SLIT3: variants seen among roughly 807,000 people sequenced by gnomAD.
The protein encoded by SLIT3 is slit guidance ligand 3.
A neutral mutation model predicts 184.0 loss-of-function variants in SLIT3; 68 were observed. The observed-to-expected ratio is 0.37, with a 90% confidence interval of 0.30 to 0.45. SLIT3 has a LOEUF of 0.45. SLIT3 is among the 20% of genes least tolerant of loss of function. The pLI, the probability that SLIT3 is intolerant of heterozygous loss-of-function variation, is 1.00. For missense variants in SLIT3, 1,707 were observed against 2,026.0 expected, an observed-to-expected ratio of 0.84 and a Z score of 3.02; for synonymous variants, 831 against 828.6, an observed-to-expected ratio of 1.00 and a Z score of -0.05.
chr5:169,198,915 G>C (rs1260724964), intron 3 of SLIT3, among the ~76,000 whole-genome samples: 3 of 150,838 alleles, frequency 2.0e-5, no homozygotes, highest in Non-Finnish European at 2.9e-5. Context: ...CTGGGCAACA[G>C]AGCAAGACTC....
intron 9 of SLIT3, among the ~76,000 whole-genome samples, chr5:168,802,479 A>T (rs138904947): frequency 2.4e-3 from 359 of 152,322 alleles, no homozygotes; most frequent in African/African-American, 8.2e-3. Flanking sequence ...CAAGCACAGC[A>T]AGAAAAGTCC....
At chr5:168,688,519 G>T (rs1761813394) in intron 29 of SLIT3, among the ~76,000 whole-genome samples, 1 of 152,206 alleles carries the variant, frequency 6.6e-6, no homozygotes, top group African/African-American at 2.4e-5. Flanking sequence ...GCATGATGCA[G>T]GCTGTAGATT....
chr5:168,797,342 G>A (rs75668053), intron 9 of SLIT3, among the ~76,000 whole-genome samples: 3,248 of 152,268 alleles, frequency 0.021, 128 homozygotes, highest in African/African-American at 0.075. Context: ...CAGGAATCCC[G>A]TCATTCACCT....
intron 4 of SLIT3, among the ~76,000 whole-genome samples, chr5:169,173,898 T>C (rs895464224): frequency 2.6e-5 from 4 of 152,190 alleles, no homozygotes; most frequent in African/African-American, 7.2e-5. Context: ...AAGGTGGACA[T>C]GTGATGCACA....
At chr5:168,812,906 T>C (rs373616946) in intron 8 of SLIT3, among the ~76,000 whole-genome samples, 9 of 151,728 alleles carry the variant, frequency 5.9e-5, no homozygotes, top group African/African-American at 2.2e-4. Context: ...AAAAAGACGA[T>C]GAAAAGGGAA....
intron 4 of SLIT3, among the ~76,000 whole-genome samples, chr5:169,181,771 T>TTATCTGAG (rs149949963): frequency 0.03 from 4,591 of 151,798 alleles, 96 homozygotes; most frequent in South Asian, 0.1. Flanking sequence ...GAAGTTAGAT[T>TTATCTGAG]TATCTGAGTA....
intron 27 of SLIT3, among the ~76,000 whole-genome samples, chr5:168,699,045 G>A (rs974384391): frequency 6.6e-6 from 1 of 152,212 alleles, no homozygotes; most frequent in Non-Finnish European, 1.5e-5. Context: ...GTGTGCCCTG[G>A]AGGGGTGTTT....
At position 168,700,579 on chromosome 5, in the gene SLIT3, T is replaced by TA; in HGVS notation, c.2942+2dup. 1.2e-6 allele frequency: 2 copies of TA among 1,610,590 alleles called. No individual in the cohort carries two copies. Among genetic ancestry groups the TA allele is most frequent in the Non-Finnish European group, 1.7e-6 (2 of 1,176,842 alleles). ...GTGAGGGAGGCCAGGGGTGAACTGT[T>TA]ACCTGAACCCATCCTTGTGGCTGTC... On this transcript the variant is annotated splice_region_variant and intron_variant, in intron 27 of 35. Coordinates refer to ENST00000519560, the MANE Select transcript of SLIT3 (RefSeq NM_003062.4).
At chr5:169,019,804 T>G (rs989775859) in intron 4 of SLIT3, among the ~76,000 whole-genome samples, 10 of 152,390 alleles carry the variant, frequency 6.6e-5, no homozygotes, top group Admixed American at 6.5e-4. Context: ...ATTTCTCTTT[T>G]ATAAAGGATT....
chr5:169,036,574 T>A (rs985896949), intron 4 of SLIT3: 3 of 152,166 alleles, frequency 2.0e-5, no homozygotes, highest in African/African-American at 7.2e-5. Context: ...TAGGGCAATG[T>A]TCTTTTTAAG....
chr5:168,791,252 C>T (rs904999838), intron 10 of SLIT3: 12 of 152,220 alleles, frequency 7.9e-5, no homozygotes, highest in Admixed American at 3.3e-4. Context: ...GGTGCTGAGA[C>T]CTCTAGTTGC....
chr5:169,046,267 C>T (rs1053886886), intron 4 of SLIT3, among the ~76,000 whole-genome samples: 1 of 152,170 alleles, frequency 6.6e-6, no homozygotes, highest in African/African-American at 2.4e-5. Flanking sequence ...CTGTACAGCA[C>T]ATTGTGAGCA....
chr5:169,060,600 G>T (rs913594565), intron 4 of SLIT3, among the ~76,000 whole-genome samples: 3 of 152,202 alleles, frequency 2.0e-5, no homozygotes, highest in Non-Finnish European at 4.4e-5. Flanking sequence ...ACTGGGGTGT[G>T]AGCGTCATTA....
intron 35 of SLIT3, among the ~76,000 whole-genome samples, chr5:168,668,609 G>T (rs1761130984): frequency 6.6e-6 from 1 of 152,146 alleles, no homozygotes; most frequent in African/African-American, 2.4e-5. Context: ...TCTTTTCTTG[G>T]AGACAGGGTC....
chr5:169,264,039 T>TGA (rs1766306280), intron 1 of SLIT3, among the ~76,000 whole-genome samples: 1 of 150,948 alleles, frequency 6.6e-6, no homozygotes, highest in African/African-American at 2.4e-5. Flanking sequence ...TAAACATGTA[T>TGA]TATTCAATAT....
At chr5:169,233,631 C>A (rs80350627) in intron 3 of SLIT3, among the ~76,000 whole-genome samples, 1 of 151,998 alleles carries the variant, frequency 6.6e-6, no homozygotes, top group African/African-American at 2.4e-5. Flanking sequence ...ACACGTACCC[C>A]GGAACTTAAA....
At chr5:168,941,859 G>A (rs1477204034) in intron 4 of SLIT3, among the ~76,000 whole-genome samples, 1 of 152,158 alleles carries the variant, frequency 6.6e-6, no homozygotes, top group African/African-American at 2.4e-5. Context: ...GGTCAAATAA[G>A]ATTATTTACA....
At chr5:168,984,220 A>G (rs1231291421) in intron 4 of SLIT3, among the ~76,000 whole-genome samples, 1 of 152,182 alleles carries the variant, frequency 6.6e-6, no homozygotes, top group Non-Finnish European at 1.5e-5. Context: ...GAGGAAGGAA[A>G]AGCAAATCTC....
chr5:169,215,643 T>C (rs4868389), intron 3 of SLIT3, among the ~76,000 whole-genome samples: 36,540 of 152,200 alleles, frequency 0.24, 5,314 homozygotes, highest in Non-Finnish European at 0.34. Flanking sequence ...ATTTGGCCCA[T>C]GGCTGCTGCT....
Sources: allele counts gnomAD v4.1 joint callset (sites outside exome capture counted in the v4.1 genomes callset), GRCh38; gene constraint gnomAD v4.1.1; transcripts MANE v1.5; gene names NCBI Gene and HGNC (gene_info 2026-07-23, HGNC 2026-07-21).